Variants in IFT43 observed in about 807,000 individuals in gnomAD.
IFT43 encodes the protein intraflagellar transport protein 43 homolog.
In IFT43, 33 loss-of-function variants were observed where a neutral mutation model predicts 32.3. The observed-to-expected ratio is 1.02, with a 90% CI of 0.77 to 1.37. IFT43 has a LOEUF of 1.37. Among genes scored for constraint, IFT43 ranks in the 40% most tolerant of loss-of-function variants. The pLI is 0.00. For missense variants in IFT43, 274 were observed against 265.9 expected (o/e 1.03, Z -0.21); for synonymous variants, 93 against 98.2 (o/e 0.95, Z 0.31).
chr14:76,083,420 C>G, intron 8 of IFT43, 38 bp from the exon 9 acceptor site: 1 of 1,614,080 alleles, frequency 6.2e-7, no homozygotes, highest in Non-Finnish European at 8.5e-7. Flanking sequence ...AGGGAAAAGG[C>G]CTTTCTTTGT....
chr14:76,036,798 C>T (rs1227510557), intron 3 of IFT43, among the ~76,000 whole-genome samples: 1 of 151,884 alleles, frequency 6.6e-6, no homozygotes. Flanking sequence ...TTCCTCCCTC[C>T]CTTCCTTCCT....
chr14:75,994,141 T>C (rs2035698245), intron 2 of IFT43, among the ~76,000 whole-genome samples: 1 of 152,024 alleles, frequency 6.6e-6, no homozygotes, highest in Non-Finnish European at 1.5e-5. Flanking sequence ...AAGAGAAAAT[T>C]ATTTTAGCTT....
intron 5 of IFT43, among the ~76,000 whole-genome samples, chr14:76,067,274 A>G (rs1428413363): frequency 6.6e-6 from 1 of 152,194 alleles, no homozygotes; most frequent in Non-Finnish European, 1.5e-5. Context: ...GAAGAGAAAA[A>G]TAGAAGAGAG....
At chr14:76,005,422 C>T (rs2035963440) in intron 2 of IFT43, among the ~76,000 whole-genome samples, 1 of 152,236 alleles carries the variant, frequency 6.6e-6, no homozygotes. Flanking sequence ...GCACCTCTAA[C>T]TTTGTGGAAC....
intron 3 of IFT43, among the ~76,000 whole-genome samples, chr14:76,055,381 A>G (rs1399995775): frequency 6.6e-6 from 1 of 152,058 alleles, no homozygotes; most frequent in Non-Finnish European, 1.5e-5. Flanking sequence ...AAAAATAAAA[A>G]TATACTTCAT....
intron 3 of IFT43, among the ~76,000 whole-genome samples, chr14:76,045,594 A>T (rs775174494): frequency 6.6e-6 from 1 of 152,092 alleles, no homozygotes; most frequent in Non-Finnish European, 1.5e-5. Flanking sequence ...GCCAGGAGGG[A>T]TGGAGCTCTT....
chr14:76,072,535 T>G (rs1486751436), intron 5 of IFT43, among the ~76,000 whole-genome samples: 1 of 152,206 alleles, frequency 6.6e-6, no homozygotes, highest in African/African-American at 2.4e-5. Flanking sequence ...GTGAGCAGCT[T>G]GCTTGCATGC....
intron 3 of IFT43, among the ~76,000 whole-genome samples, chr14:76,035,471 T>C (rs1454895873): frequency 6.6e-6 from 1 of 152,140 alleles, no homozygotes; most frequent in Non-Finnish European, 1.5e-5. Flanking sequence ...CTCTCTTTTT[T>C]AATGGCATTG....
chr14:75,997,362 T>C (rs1227764856), intron 2 of IFT43, among the ~76,000 whole-genome samples: 1 of 152,354 alleles, frequency 6.6e-6, no homozygotes, highest in African/African-American at 2.4e-5. Flanking sequence ...GGTCAACATT[T>C]CTAATATGAC....
rs1009557453 is a variant in IFT43 at position 76,076,596 on chromosome 14, G to T, written c.296-5699G>T. 24 of 1,613,982 alleles carry T rather than the reference G, an allele frequency of 1.5e-5. No individual in the cohort carries two copies. Among genetic ancestry groups the T allele is most frequent in the Non-Finnish European group, 1.9e-5 (23 of 1,180,018 alleles). On this transcript the variant is annotated intron_variant, in intron 5 of 8. Coordinates refer to ENST00000314067, the MANE Select transcript of IFT43 (RefSeq NM_001102564.3). ...ATCTAAGAAGTCACTTTCTGTTCTA[G>T]CGGTACCCAAACAGGCAAACAACAG...
Position 76,082,621 on chromosome 14 carries a change from C to T in IFT43, c.373C>T (p.Gln125Ter), listed in dbSNP as rs1323387359. 22 of 1,614,046 alleles carry T rather than the reference C, an allele frequency of 1.4e-5. No homozygotes were observed. Among genetic ancestry groups the T allele is most frequent in the Non-Finnish European group, 1.9e-5 (22 of 1,180,036 alleles). The part of the protein sequence containing the change: ...VLQVAAPPSI[Q>*]IKRVMTYRDL... Reference sequence around the variant, plus strand: ...CTCGCTCTCTCTTTCCTTCAGCATCCAGATAAAGCGGGTGATGACCTACCG... The same window carrying T: ...CTCGCTCTCTCTTTCCTTCAGCATCTAGATAAAGCGGGTGATGACCTACCG... Residue 125 changes from glutamine (Q) to a stop codon, truncating the protein, a stop_gained, in exon 7 of 9, where the codon CAG (glutamine) becomes TAG (stop). Transcript: ENST00000314067. LOFTEE classifies it high-confidence loss of function.
At chr14:76,012,073 T>G (rs1178750858) in intron 2 of IFT43, among the ~76,000 whole-genome samples, 2 of 152,196 alleles carry the variant, frequency 1.3e-5, no homozygotes, top group South Asian at 2.1e-4. Context: ...TGGATATGTG[T>G]GAAGTTTGCA....
chr14:76,074,776 C>T (rs1267678716), intron 5 of IFT43, among the ~76,000 whole-genome samples: 2 of 152,152 alleles, frequency 1.3e-5, no homozygotes, highest in Admixed American at 6.5e-5. Context: ...GCCAAGTCGA[C>T]GTGCTTGTAA....
chr14:75,986,242 A>G (rs1474417381), intron 1 of IFT43: 2 of 1,292,106 alleles, frequency 1.5e-6, no homozygotes, highest in African/African-American at 3.0e-5. Context: ...TCGTCGCAGA[A>G]GTTCCTGCAA....
In IFT43 at chr14:76,067,228, C is replaced by A. The variant is rs529635019; in HGVS notation, c.295+7855C>A. Among the ~76,000 whole-genome samples the A allele has an allele frequency of 2.6e-5, 4 of 152,294 alleles. No homozygotes were observed. The East Asian group carries it at 7.7e-4, about 29-fold the overall frequency. On this transcript the variant is annotated intron_variant, in intron 5 of 8. Transcript: ENST00000314067. ...CCTAGGGATAGAAGACAAGCACTTT[C>A]TCCATCCATTGATGCTTCAGGCTTT...
intron 2 of IFT43, among the ~76,000 whole-genome samples, chr14:76,011,117 C>T (rs1237000866): frequency 6.6e-6 from 1 of 151,870 alleles, no homozygotes; most frequent in Non-Finnish European, 1.5e-5. Context: ...ACTTTGTTGC[C>T]CAGGCTGGTC....
chr14:76,007,236 C>G (rs1047285148), intron 2 of IFT43, among the ~76,000 whole-genome samples: 3 of 152,094 alleles, frequency 2.0e-5, no homozygotes, highest in Admixed American at 6.5e-5. Context: ...TTGCTCTGTA[C>G]TTATAGTGTC....
chr14:76,029,851 T>TTTTATTTTATTTTATTTTATTTTATTTTA (rs150115612), intron 3 of IFT43, among the ~76,000 whole-genome samples: 1 of 117,462 alleles, frequency 8.5e-6, no homozygotes, highest in Non-Finnish European at 1.7e-5. Flanking sequence ...TTTATTTTTA[T>TTTTATTTTATTTTATTTTATTTTATTTTA]TTTTATTTTA....
At chr14:76,027,183 A>T (rs879447078) in intron 3 of IFT43, among the ~76,000 whole-genome samples, 4 of 152,172 alleles carry the variant, frequency 2.6e-5, no homozygotes, top group Non-Finnish European at 5.9e-5. Flanking sequence ...AACCCCTGTG[A>T]CACAAGTTTA....
Sources: allele counts gnomAD v4.1 joint callset (sites outside exome capture counted in the v4.1 genomes callset), GRCh38; gene constraint gnomAD v4.1.1; transcripts MANE v1.5; gene names NCBI Gene and HGNC (gene_info 2026-07-23, HGNC 2026-07-21).